Variants in MADD observed in about 807,000 individuals in gnomAD.
The protein encoded by MADD is MAP kinase activating death domain.
A neutral mutation model predicts 176.7 loss-of-function variants in MADD; 109 were observed. The observed-to-expected ratio is 0.62, with a 90% confidence interval of 0.53 to 0.72. The LOEUF is 0.72. Among genes scored for constraint, MADD ranks in the 30% least tolerant of loss-of-function variants. The probability of loss-of-function intolerance (pLI) is 0.00; values close to 1 mark genes in which losing one functional copy is unlikely to be tolerated. For missense variants in MADD, 1,914 were observed against 2,045.5 expected (o/e 0.94, Z 1.24); for synonymous variants, 771 against 771.3 (o/e 1.00, Z 0.01).
At chr11:47,328,332 A>C in intron 31 of MADD, 1 of 1,266,714 alleles carries the variant, frequency 7.9e-7, no homozygotes, top group Non-Finnish European at 1.0e-6. Flanking sequence ...GGCCCTGGAC[A>C]GTAGCTGTGA....
chr11:47,304,657 G>C (rs1459436018), intron 22 of MADD, among the ~76,000 whole-genome samples: 3 of 152,048 alleles, frequency 2.0e-5, no homozygotes, highest in South Asian at 2.1e-4. Flanking sequence ...TGATTTTGTT[G>C]AATCATCTAT....
intron 22 of MADD, among the ~76,000 whole-genome samples, chr11:47,304,469 G>C (rs1002093265): frequency 2.0e-5 from 3 of 152,012 alleles, no homozygotes; most frequent in Non-Finnish European, 4.4e-5. Flanking sequence ...AACCTCAGGC[G>C]ATCCACCCAC....
intron 19 of MADD, among the ~76,000 whole-genome samples, chr11:47,293,165 C>A (rs1197192806): frequency 1.3e-5 from 2 of 152,108 alleles, no homozygotes; most frequent in African/African-American, 4.8e-5. Flanking sequence ...TCGGGCCCAA[C>A]CTTTTCTACC....
chr11:47,286,644 C>A, intron 15 of MADD, 110 bp downstream of exon 15: 1 of 760,444 alleles, frequency 1.3e-6, no homozygotes, highest in Non-Finnish European at 2.2e-6. Context: ...TGGTTGTCGT[C>A]CCTCATGTTG....
chr11:47,327,679 G>T, intron 31 of MADD: 1 of 985,354 alleles, frequency 1.0e-6, no homozygotes, highest in South Asian at 4.7e-5. Flanking sequence ...CTTCCAACTC[G>T]GGAGAATGGC....
intron 30 of MADD, 147 bp downstream of exon 33, chr11:47,324,724 A>T: frequency 1.4e-6 from 1 of 719,236 alleles, no homozygotes; most frequent in Admixed American, 2.0e-5. Context: ...CAGGAAAGAA[A>T]CCCCAGGGGA....
At chr11:47,329,223 C>G (rs2095800956) in exon 33 of MADD, 2 of 1,104,970 alleles carry the variant, frequency 1.8e-6, no homozygotes, top group South Asian at 2.5e-5. Flanking sequence ...GTGCACGATG[C>G]TGCTGTGACT....
At chr11:47,291,666 G>T (rs906131157) in intron 19 of MADD, among the ~76,000 whole-genome samples, 71 of 152,162 alleles carry the variant, frequency 4.7e-4, no homozygotes, top group Non-Finnish European at 3.1e-4. Flanking sequence ...GCTTTCTCCT[G>T]CCTCATGTGA....
intron 16 of MADD, 44 bp downstream of exon 17, chr11:47,289,537 G>A (rs1273885491): frequency 6.5e-7 from 1 of 1,537,256 alleles, no homozygotes; most frequent in East Asian, 2.2e-5. Context: ...AGGCAGAGGT[G>A]GGGTGGTTCC....
intron 22 of MADD, among the ~76,000 whole-genome samples, chr11:47,296,656 A>G (rs2072285711): frequency 1.3e-5 from 2 of 152,156 alleles, no homozygotes; most frequent in African/African-American, 4.8e-5. Flanking sequence ...GGTGAGGGGA[A>G]CAATGCCTTA....
intron 22 of MADD, among the ~76,000 whole-genome samples, chr11:47,300,829 A>G (rs1331309711): frequency 6.6e-6 from 1 of 152,146 alleles, no homozygotes; most frequent in African/African-American, 2.4e-5. Context: ...ATTCAATCTC[A>G]TTACTTGAAA....
intron 26 of MADD, among the ~76,000 whole-genome samples, chr11:47,313,840 A>G (rs950397818): frequency 2.7e-5 from 4 of 149,426 alleles, no homozygotes; most frequent in African/African-American, 9.9e-5. Context: ...GCTCACTACA[A>G]CCTCCGCCTC....
intron 10 of MADD, 49 bp downstream of exon 10, chr11:47,283,018 C>T (rs1181636410): frequency 6.3e-7 from 1 of 1,579,510 alleles, no homozygotes; most frequent in African/African-American, 1.3e-5. Context: ...AGGAGGCTCT[C>T]ACTAGCCCTT....
At chr11:47,294,898 T>C (rs550407738) in intron 20 of MADD, among the ~76,000 whole-genome samples, 81 of 152,290 alleles carry the variant, frequency 5.3e-4, no homozygotes, top group African/African-American at 1.9e-3. Context: ...AAAGGAAATA[T>C]ACTAAAAACA....
chr11:47,326,061 T>A (rs2095424934), intron 30 of MADD, among the ~76,000 whole-genome samples: 1 of 152,192 alleles, frequency 6.6e-6, no homozygotes, highest in African/African-American at 2.4e-5. Flanking sequence ...TGTGAGGACA[T>A]GCTTGGATTT....
At chr11:47,284,840 G>T in intron 12 of MADD, 101 bp from the exon 13 acceptor site, 1 of 1,503,564 alleles carries the variant, frequency 6.7e-7, no homozygotes, top group Non-Finnish European at 9.0e-7. Context: ...CATTCCTTAG[G>T]CTAGAAATCT....
chr11:47,317,729 C>T (rs1473190125), intron 27 of MADD, among the ~76,000 whole-genome samples: 1 of 152,138 alleles, frequency 6.6e-6, no homozygotes, highest in East Asian at 1.9e-4. Context: ...TCTGATTTTG[C>T]CTATGGTATT....
At chr11:47,279,283 A>G (rs2053808109) in intron 7 of MADD, among the ~76,000 whole-genome samples, 1 of 151,684 alleles carries the variant, frequency 6.6e-6, no homozygotes, top group South Asian at 2.1e-4. Flanking sequence ...TGTATGCTTT[A>G]CCATCTTCTA....
intron 31 of MADD, 135 bp from the exon 36 acceptor site, chr11:47,328,523 A>ATT: frequency 6.6e-7 from 1 of 1,523,566 alleles, no homozygotes. Context: ...GTCATAGCCT[A>ATT]AGCTGCTGCA....
Sources: allele counts gnomAD v4.1 joint callset (sites outside exome capture counted in the v4.1 genomes callset), GRCh38; gene constraint gnomAD v4.1.1; transcripts MANE v1.5; gene names NCBI Gene and HGNC (gene_info 2026-07-23, HGNC 2026-07-21).